PTPRK: variants seen among roughly 807,000 people sequenced by gnomAD.
The protein encoded by PTPRK is receptor-type tyrosine-protein phosphatase kappa.
A neutral mutation model predicts 178.0 loss-of-function variants in PTPRK; 75 were observed. The ratio of observed to expected loss-of-function variants is 0.42; its 90% confidence interval spans 0.35 to 0.51. The LOEUF is 0.51. Among genes scored for constraint, PTPRK ranks in the 20% least tolerant of loss-of-function variants. The pLI is 0.02. For missense variants in PTPRK, 1,441 were observed against 1,797.8 expected, an observed-to-expected ratio of 0.80 and a Z score of 3.59; for synonymous variants, 637 against 620.6, an observed-to-expected ratio of 1.03 and a Z score of -0.39.
rs151144401 is a variant in PTPRK, at chr6:128,282,047, C to G, written c.496-39445G>C. 3.9e-5 allele frequency among the ~76,000 whole-genome samples: 6 copies of G among 152,254 alleles called. No individual in the cohort carries two copies. In the East Asian group the frequency reaches 1.2e-3, roughly 29 times the overall value. On this transcript the variant is annotated intron_variant, in intron 3 of 29. Transcript: ENST00000368226. ...GCAAAGAACTGATTCTCTAGCTTTT[C>G]TTTTCTGCTGCCTGGTTTATTTGTG...
At chr6:128,504,063 A>T (rs972863436) in intron 1 of PTPRK, among the ~76,000 whole-genome samples, 4 of 152,238 alleles carry the variant, frequency 2.6e-5, no homozygotes, top group Admixed American at 2.0e-4. Context: ...CATATTTGAT[A>T]AAAATGTACA....
At chr6:128,389,904 G>C (rs543530682) in intron 2 of PTPRK, among the ~76,000 whole-genome samples, 26 of 151,956 alleles carry the variant, frequency 1.7e-4, no homozygotes, top group Admixed American at 6.6e-5. Context: ...TTATGTCTGC[G>C]AGGGTAACAG....
intron 7 of PTPRK, among the ~76,000 whole-genome samples, chr6:128,152,401 A>G (rs1048911267): frequency 4.6e-5 from 7 of 152,020 alleles, no homozygotes; most frequent in African/African-American, 1.7e-4. Context: ...GATTTATTCA[A>G]TGAAGTCTGA....
chr6:127,971,974 C>T (rs1412392695), intron 29 of PTPRK, among the ~76,000 whole-genome samples: 2 of 152,110 alleles, frequency 1.3e-5, no homozygotes, highest in South Asian at 4.1e-4. Flanking sequence ...ATAGCCAGCA[C>T]CCCAATCAAA....
intron 3 of PTPRK, among the ~76,000 whole-genome samples, chr6:128,245,369 T>C (rs1815270638): frequency 1.3e-5 from 2 of 152,214 alleles, no homozygotes; most frequent in African/African-American, 2.4e-5. Context: ...ATGAATTTCA[T>C]TTTAACTAGC....
At chr6:128,408,215 C>A (rs1166462286) in intron 1 of PTPRK, among the ~76,000 whole-genome samples, 1 of 152,106 alleles carries the variant, frequency 6.6e-6, no homozygotes, top group Non-Finnish European at 1.5e-5. Context: ...TGGTGAAACC[C>A]CATCTCTACT....
At chr6:128,363,909 T>C (rs1835109823) in intron 2 of PTPRK, among the ~76,000 whole-genome samples, 1 of 152,154 alleles carries the variant, frequency 6.6e-6, no homozygotes, top group Non-Finnish European at 1.5e-5. Flanking sequence ...CCCTTCCAAA[T>C]GGCATTTCTA....
At chr6:128,037,260 T>A (rs1403193928) in intron 13 of PTPRK, among the ~76,000 whole-genome samples, 1 of 152,216 alleles carries the variant, frequency 6.6e-6, no homozygotes, top group East Asian at 1.9e-4. Context: ...TAAGACTGAA[T>A]CAATTTAAGT....
intron 3 of PTPRK, among the ~76,000 whole-genome samples, chr6:128,317,344 T>A (rs960203797): frequency 1.3e-5 from 2 of 152,148 alleles, no homozygotes; most frequent in Non-Finnish European, 2.9e-5. Context: ...TCACAGTAGA[T>A]ACCCAATAGA....
intron 6 of PTPRK, among the ~76,000 whole-genome samples, chr6:128,201,251 T>TA (rs1476915372): frequency 6.6e-6 from 1 of 152,126 alleles, no homozygotes; most frequent in Admixed American, 6.5e-5. Context: ...ATTCTTGACA[T>TA]AAAATCCAAG....
At chr6:128,059,209 A>G (rs1281137229) in intron 13 of PTPRK, among the ~76,000 whole-genome samples, 3 of 152,074 alleles carry the variant, frequency 2.0e-5, no homozygotes, top group African/African-American at 7.2e-5. Context: ...ATTGCTTTAA[A>G]TCTACACATT....
intron 1 of PTPRK, among the ~76,000 whole-genome samples, chr6:128,427,801 A>G (rs925677362): frequency 2.6e-5 from 4 of 152,104 alleles, no homozygotes; most frequent in Non-Finnish European, 4.4e-5. Flanking sequence ...AATATAAAAC[A>G]AAATGTTTGG....
intron 2 of PTPRK, among the ~76,000 whole-genome samples, chr6:128,392,661 G>C (rs1839756456): frequency 6.6e-6 from 1 of 152,136 alleles, no homozygotes; most frequent in Non-Finnish European, 1.5e-5. Context: ...CTATGCAACA[G>C]CTCTTATTCT....
chr6:128,286,536 A>G (rs973955306), intron 3 of PTPRK, among the ~76,000 whole-genome samples: 1 of 151,752 alleles, frequency 6.6e-6, no homozygotes, highest in Admixed American at 6.6e-5. Flanking sequence ...TTATGTTCAT[A>G]TTTTCCTCTC....
At chr6:128,352,008 G>A (rs904768134) in intron 2 of PTPRK, among the ~76,000 whole-genome samples, 2 of 151,978 alleles carry the variant, frequency 1.3e-5, no homozygotes, top group African/African-American at 4.8e-5. Flanking sequence ...TGTAATCCCA[G>A]CACTTTGGGA....
chr6:128,411,829 T>C (rs763939029), intron 1 of PTPRK, among the ~76,000 whole-genome samples: 29 of 152,228 alleles, frequency 1.9e-4, no homozygotes, highest in Non-Finnish European at 4.1e-4. Context: ...TAGTAAGTGC[T>C]AATATTTTGG....
chr6:128,410,160 G>A (rs1842140564), intron 1 of PTPRK, among the ~76,000 whole-genome samples: 1 of 152,156 alleles, frequency 6.6e-6, no homozygotes. Context: ...TATAGAGCAA[G>A]CAATTAGCTG....
At chr6:128,043,651 AAAG>A (rs1777563852) in intron 13 of PTPRK, among the ~76,000 whole-genome samples, 1 of 151,974 alleles carries the variant, frequency 6.6e-6, no homozygotes, top group African/African-American at 2.4e-5. Context: ...GGCAAAAAAA[AAAG>A]AGAAAGATAG....
At chr6:128,227,526 T>C (rs1220315997) in intron 5 of PTPRK, among the ~76,000 whole-genome samples, 1 of 152,236 alleles carries the variant, frequency 6.6e-6, no homozygotes, top group African/African-American at 2.4e-5. Flanking sequence ...GAGGGAAATC[T>C]GTAAAATCAG....
Sources: gnomAD v4.1 joint callset for allele counts (sites outside exome capture counted in the v4.1 genomes callset) on GRCh38, gnomAD v4.1.1 for gene constraint, MANE v1.5 for transcripts, NCBI Gene and HGNC (gene_info 2026-07-23, HGNC 2026-07-21) for gene names.